The following CELA3B variants were observed in gnomAD, a reference collection of about 807,000 sequenced individuals.
The protein encoded by CELA3B is chymotrypsin like elastase 3B.
CELA3B carries 34 observed loss-of-function variants against 37.2 expected under a neutral mutation model. The observed-to-expected ratio is 0.91, with a 90% CI of 0.70 to 1.22. CELA3B has a LOEUF of 1.22. Ranked by LOEUF, CELA3B falls within the 50% of genes most tolerant of loss-of-function variation. CELA3B has a pLI of 0.00. For missense variants in CELA3B, 340 were observed against 363.1 expected (o/e 0.94, Z 0.52); for synonymous variants, 127 against 143.5 (o/e 0.89, Z 0.82).
Position 21,981,069 on chromosome 1 carries a change from G to C in CELA3B, c.259G>C (p.Glu87Gln), listed in dbSNP as rs369807680. 1 of 1,614,040 alleles carries C rather than the reference G, an allele frequency of 6.2e-7. No homozygotes were observed. The highest frequency in any genetic ancestry group is 1.1e-5 in the South Asian group (1 of 91,076). Residue 87 changes from glutamate to glutamine, a missense_variant, in exon 4 of 8, where the codon GAG becomes CAG. Glu to Gln is a conservative substitution (Grantham distance 29). Transcript: ENST00000337107. ...CCGGACCTACCAGGTGGTGTTGGGC[G>C]AGTACGACCGTGCTGTGAAGGAGGG... ...SSRTYQVVLG[E>Q]YDRAVKEGPE...
intron 6 of CELA3B, among the ~76,000 whole-genome samples, chr1:21,986,301 G>A (rs1452175840): frequency 6.6e-6 from 1 of 151,920 alleles, no homozygotes; most frequent in Admixed American, 6.6e-5. Flanking sequence ...CCTGGGAGCC[G>A]GGAGACGGAG....
Position 21,983,727 on chromosome 1 carries a change from C to A in CELA3B, c.396C>A (p.Ser132Arg). ...NDIALIKLSR[S>R]AQLGDAVQLA... ...TCGCCCTCATCAAGCTCTCACGCAG[C>A]GCCCAGCTGGGAGACGCCGTCCAGC... The change falls in exon 5 of 8, where the codon AGC becomes AGA. Residue 132 changes from serine (S) to arginine (R), a missense_variant. Coordinates refer to ENST00000337107, the MANE Select transcript of CELA3B (RefSeq NM_007352.4). 1 of 1,614,128 alleles carries A rather than the reference C, an allele frequency of 6.2e-7. No individual in the cohort carries two copies. Among genetic ancestry groups the A allele is most frequent in the Non-Finnish European group, 8.5e-7 (1 of 1,180,024 alleles).
In CELA3B at chr1:21,978,604, C is replaced by T. The variant is rs183273449; in HGVS notation, c.129+150C>T. 1,040 of 972,634 alleles carry T rather than the reference C, an allele frequency of 1.1e-3. 10 individuals carry two copies. The African/African-American group carries it at 0.015, about 14-fold the overall frequency. The allele number at this position is 972,634 out of a possible 1,614,324, so 60.3% of individuals were successfully genotyped here. On this transcript the variant is annotated intron_variant, in intron 2 of 7. Coordinates refer to ENST00000337107, the MANE Select transcript of CELA3B (RefSeq NM_007352.4). ...GGCAGCCCTTGGACCATCTACTTCACGGGGAGGTTTTGCCCATTCCGTCTG... is the reference window on the plus strand; with the variant it reads ...GGCAGCCCTTGGACCATCTACTTCATGGGGAGGTTTTGCCCATTCCGTCTG...
intron 1 of CELA3B, among the ~76,000 whole-genome samples, chr1:21,977,443 T>C (rs1644779048): frequency 6.6e-6 from 1 of 152,192 alleles, no homozygotes; most frequent in South Asian, 2.1e-4. Context: ...TGGCTCCATA[T>C]TCTATGCTCT....
intron 6 of CELA3B, among the ~76,000 whole-genome samples, chr1:21,984,589 G>A (rs939123329): frequency 5.3e-5 from 8 of 152,178 alleles, no homozygotes; most frequent in South Asian, 2.1e-4. Flanking sequence ...TCAGGCTTCC[G>A]CATCAGCACA....
intron 4 of CELA3B, among the ~76,000 whole-genome samples, chr1:21,995,431 C>A (rs1433217158): frequency 1.3e-5 from 2 of 151,118 alleles, no homozygotes; most frequent in East Asian, 3.9e-4. Flanking sequence ...AGACACTGCA[C>A]CCTGCTTGTT....
chr1:21,979,700 T>C (rs4329480), intron 2 of CELA3B, among the ~76,000 whole-genome samples: 144,752 of 149,980 alleles, frequency 0.97, 70,025 homozygotes, highest in Non-Finnish European at 0.99. Flanking sequence ...GTGATCCTCC[T>C]GTCTTGACCT....
intron 6 of CELA3B, among the ~76,000 whole-genome samples, chr1:21,985,493 G>A (rs183389672): frequency 1.3e-5 from 2 of 151,904 alleles, no homozygotes; most frequent in East Asian, 3.9e-4. Flanking sequence ...GCCCAGGCTT[G>A]TCTCTAACTC....
rs3820287 is a variant in CELA3B at position 21,984,232 on chromosome 1, G to A, written c.543G>A (p.Pro181=). The change falls in exon 6 of 8, where the codon CCG becomes CCA. Residue 181 remains proline (P), a synonymous_variant. Coordinates refer to ENST00000337107, the MANE Select transcript of CELA3B (RefSeq NM_007352.4). ...LPDKLQEALL[P]VVDYEHCSRW... ...ACAAGCTGCAGGAGGCCCTGCTGCC[G>A]GTGGTGGACTATGAACACTGCTCCA... 4.2e-5 allele frequency: 67 copies of A among 1,614,076 alleles called. 1 individual carries two copies. In the African/African-American group the frequency reaches 7.6e-4, roughly 18 times the overall value.
At position 21,986,541 on chromosome 1, in the gene CELA3B, G is replaced by C. The variant is rs767121139; in HGVS notation, c.653G>C (p.Gly218Ala). The C allele has an allele frequency of 4.3e-5, 69 of 1,613,946 alleles. No individual in the cohort carries two copies. Among genetic ancestry groups the C allele is most frequent in the Non-Finnish European group, 5.5e-5 (65 of 1,180,036 alleles). The change falls in exon 7 of 8, where the codon GGA (glycine) becomes GCA (alanine). Residue 218 changes from glycine (G) to alanine (A), a missense_variant. By Grantham distance (60) the Gly-to-Ala change is moderately conservative. Coordinates refer to ENST00000337107, the MANE Select transcript of CELA3B (RefSeq NM_007352.4). ...DIRSGCNGDSGGPLNCPTEDG... is the reference protein window; with the variant it reads ...DIRSGCNGDSAGPLNCPTEDG... ...CTCTGACGGTTCCAGGGTGACTCTG[G>C]AGGACCCCTCAACTGCCCCACAGAG...
At chr1:21,979,443 C>A (rs1170184136) in intron 2 of CELA3B, among the ~76,000 whole-genome samples, 4 of 106,440 alleles carry the variant, frequency 3.8e-5, no homozygotes, top group African/African-American at 1.3e-4. Context: ...TTTTTCTTTT[C>A]TTTTCTTTTC....
intron 4 of CELA3B, among the ~76,000 whole-genome samples, chr1:21,995,050 G>T (rs1460559561): frequency 6.8e-6 from 1 of 147,860 alleles, no homozygotes; most frequent in East Asian, 2.0e-4. Context: ...CTTAGGCAGA[G>T]TGTCCTGTTG....
At chr1:21,996,019 A>G (rs10799728) in intron 4 of CELA3B, among the ~76,000 whole-genome samples, 70,657 of 148,664 alleles carry the variant, frequency 0.48, 19,236 homozygotes, top group African/African-American at 0.68. Context: ...TTCGAGACCA[A>G]CCTGACCAAC....
intron 1 of CELA3B, among the ~76,000 whole-genome samples, chr1:21,977,619 C>T (rs550535123): frequency 1.7e-4 from 26 of 152,342 alleles, no homozygotes; most frequent in African/African-American, 6.0e-4. Context: ...GTAATTCTCA[C>T]AACAGCCTCA....
chr1:21,986,511 C>A lies in CELA3B; in HGVS notation c.643-20C>A. On this transcript the variant is annotated intron_variant, in intron 6 of 7. Transcript: ENST00000337107. ...ACCTCAGACATGGCTCAGCCACCCA[C>A]ACCTCTCTGACGGTTCCAGGGTGAC... 6.2e-7 allele frequency: 1 copy of A among 1,612,624 alleles called. No homozygotes were observed. Among genetic ancestry groups the A allele is most frequent in the Non-Finnish European group, 8.5e-7 (1 of 1,179,734 alleles).
intron 6 of CELA3B, 86 bp from the exon 7 acceptor site, chr1:21,986,445 G>C: frequency 6.5e-7 from 1 of 1,540,574 alleles, no homozygotes; most frequent in South Asian, 1.2e-5. Flanking sequence ...GGTAATGTCG[G>C]AGTTTCTCGA....
intron 7 of CELA3B, chr1:21,986,917 A>G: frequency 1.8e-6 from 1 of 560,342 alleles, no homozygotes; most frequent in Non-Finnish European, 3.3e-6. Context: ...CCTTATTTCA[A>G]CAAGTATTTA....
At chr1:21,981,653 C>T (rs937261404) in intron 4 of CELA3B, among the ~76,000 whole-genome samples, 3 of 151,984 alleles carry the variant, frequency 2.0e-5, no homozygotes, top group African/African-American at 7.2e-5. Flanking sequence ...CAAAAGGTGA[C>T]CATGAAGTTG....
exon 5 of CELA3B, chr1:21,998,346 C>T: frequency 2.3e-5 from 9 of 395,466 alleles, no homozygotes; most frequent in South Asian, 1.7e-4. Flanking sequence ...ATTCTGGGAG[C>T]CGAGGCCACA....
Sources: allele counts gnomAD v4.1 joint callset (sites outside exome capture counted in the v4.1 genomes callset), GRCh38; gene constraint gnomAD v4.1.1; transcripts MANE v1.5; gene names NCBI Gene and HGNC (gene_info 2026-07-23, HGNC 2026-07-21).